The following BPTF variants were observed in gnomAD, a reference collection of about 807,000 sequenced individuals.
BPTF encodes bromodomain PHD finger transcription factor.
Under a neutral mutation model 292.5 loss-of-function variants are expected in BPTF, and 18 were observed. The observed-to-expected ratio is 0.06, with a 90% CI of 0.04 to 0.09. The LOEUF (loss-of-function observed/expected upper bound fraction) is 0.09, where lower values mean the gene tolerates loss of function less well. BPTF is among the 10% of genes least tolerant of loss of function. The probability of loss-of-function intolerance (pLI) is 1.00; values close to 1 mark genes in which losing one functional copy is unlikely to be tolerated. For synonymous variants in BPTF, 1,225 were observed against 1,251.9 expected, an observed-to-expected ratio of 0.98 and a Z score of 0.45; for missense variants, 2,726 against 3,498.7, an observed-to-expected ratio of 0.78 and a Z score of 5.57.
rs2065436372 is a variant in BPTF at position 67,942,302 on chromosome 17, C to T, written c.6477+1646C>T. Among the ~76,000 whole-genome samples the T allele has an allele frequency of 2.4e-5, 3 of 126,014 alleles. No individual in the cohort carries two copies. In the South Asian group the frequency reaches 8.8e-4, roughly 37 times the overall value. 82.7% of individuals were successfully genotyped at this position (126,014 alleles called of 152,430 possible). ...TGCACTCCAACCTAGGCAACAGACT[C>T]CGTCTCAAAAAAAAGAAAAACAAAA... On this transcript the variant is annotated intron_variant, in intron 19 of 27. Transcript: ENST00000306378.
In BPTF at chr17:67,837,328, T is replaced by G. The variant is rs564863787; in HGVS notation, c.613+10991T>G. 6.6e-5 allele frequency among the ~76,000 whole-genome samples: 10 copies of G among 152,314 alleles called. No individual in the cohort carries two copies. In the South Asian group the frequency reaches 1.0e-3, roughly 16 times the overall value. ...GGACTGGGATTGGATTGTTGCATTA[T>G]AGTGTGTACCATTTAAAAGTCTGGA... On this transcript the variant is annotated intron_variant, in intron 1 of 27. Coordinates refer to ENST00000306378, the MANE Select transcript of BPTF (RefSeq NM_182641.4).
chr17:67,837,996 C>T (rs1159035994), intron 1 of BPTF, among the ~76,000 whole-genome samples: 1 of 152,150 alleles, frequency 6.6e-6, no homozygotes, highest in Non-Finnish European at 1.5e-5. Context: ...CTTGTGTGGA[C>T]CTCAGTTTAC....
chr17:67,880,037 C>G (rs2060295762), intron 4 of BPTF, among the ~76,000 whole-genome samples: 1 of 152,088 alleles, frequency 6.6e-6, no homozygotes, highest in Admixed American at 6.6e-5. Flanking sequence ...GGTTCATTTT[C>G]TTTAATCGCC....
At chr17:67,843,391 A>C (rs951031807) in intron 1 of BPTF, among the ~76,000 whole-genome samples, 1 of 150,200 alleles carries the variant, frequency 6.7e-6, no homozygotes, top group Admixed American at 6.6e-5. Context: ...TTTTTAGTAG[A>C]GATGGGGTTT....
intron 27 of BPTF, among the ~76,000 whole-genome samples, chr17:67,979,763 G>A (rs1323907939): frequency 3.9e-5 from 6 of 152,026 alleles, no homozygotes; most frequent in South Asian, 2.1e-4. Context: ...TACCCTGGCC[G>A]GGCGCAGTGG....
intron 26 of BPTF, among the ~76,000 whole-genome samples, chr17:67,970,236 CAA>C (rs539425143): frequency 3.1e-5 from 4 of 128,584 alleles, no homozygotes; most frequent in Non-Finnish European, 3.3e-5. Flanking sequence ...AACTCCATCT[CAA>C]AAAAAAAAAA....
At chr17:67,938,445 T>C (rs1252906873) in intron 18 of BPTF, among the ~76,000 whole-genome samples, 2 of 151,996 alleles carry the variant, frequency 1.3e-5, no homozygotes, top group African/African-American at 2.4e-5. Context: ...GAAGAAAGAG[T>C]AATAATGGAA....
intron 27 of BPTF, among the ~76,000 whole-genome samples, chr17:67,978,300 A>AT (rs1300201664): frequency 2.0e-4 from 8 of 40,208 alleles, no homozygotes; most frequent in African/African-American, 2.5e-4. Flanking sequence ...ATATATATAT[A>AT]TATATATATT....
intron 26 of BPTF, among the ~76,000 whole-genome samples, chr17:67,970,461 C>G (rs945621524): frequency 4.6e-5 from 7 of 152,070 alleles, no homozygotes; most frequent in African/African-American, 9.7e-5. Context: ...CCTATATCTC[C>G]TAAGTAGGTA....
At chr17:67,946,662 C>T (rs1555675674) in intron 21 of BPTF, among the ~76,000 whole-genome samples, 4 of 152,148 alleles carry the variant, frequency 2.6e-5, no homozygotes, top group Non-Finnish European at 5.9e-5. Context: ...TATAGCAATT[C>T]CTTTAAAGTT....
intron 4 of BPTF, chr17:67,875,652 G>C: frequency 6.2e-7 from 1 of 1,608,402 alleles, no homozygotes; most frequent in South Asian, 1.1e-5. Context: ...CCCTCTGAAG[G>C]GAGGAGCCCT....
At chr17:67,883,689 C>T (rs1208698023) in intron 4 of BPTF, among the ~76,000 whole-genome samples, 16 of 152,052 alleles carry the variant, frequency 1.1e-4, no homozygotes, top group African/African-American at 3.9e-4. Context: ...AACCTCCGCC[C>T]CCCTGGGTTC....
chr17:67,847,509 G>A (rs1272161774), intron 1 of BPTF, among the ~76,000 whole-genome samples: 2 of 149,556 alleles, frequency 1.3e-5, no homozygotes, highest in Non-Finnish European at 3.0e-5. Flanking sequence ...GTGAGACTCC[G>A]TCTAAAAAAA....
At position 67,886,210 on chromosome 17, in the gene BPTF, C is replaced by T. The variant is rs768408054; in HGVS notation, c.1865-5634C>T. 9 of 1,613,922 alleles carry T rather than the reference C, an allele frequency of 5.6e-6. No homozygotes were observed. In the South Asian group the frequency reaches 7.7e-5, roughly 14 times the overall value. On this transcript the variant is annotated intron_variant, in intron 4 of 27. Coordinates refer to ENST00000306378, the MANE Select transcript of BPTF (RefSeq NM_182641.4). ...AGCCTAATCTGGAAAACAGTAACAGCAGCAGTGAACTAAATTCTTCCCAGA... is the reference window on the plus strand; with the variant it reads ...AGCCTAATCTGGAAAACAGTAACAGTAGCAGTGAACTAAATTCTTCCCAGA...
rs551565458 is a variant in BPTF, at chr17:67,868,023, G to A, written c.1660+1336G>A. Among the ~76,000 whole-genome samples the A allele has an allele frequency of 2.6e-5, 4 of 152,138 alleles. No individual in the cohort carries two copies. In the South Asian group the frequency reaches 8.3e-4, roughly 32 times the overall value. On this transcript the variant is annotated intron_variant, in intron 3 of 27. Transcript: ENST00000306378. ...TGGAATTTTTCTGCACAGGAGATGT[G>A]TTTATTTTTTCAGGCATTTATTTCT...
intron 4 of BPTF, among the ~76,000 whole-genome samples, chr17:67,880,666 T>C (rs747300574): frequency 4.6e-5 from 7 of 152,190 alleles, no homozygotes; most frequent in Non-Finnish European, 8.8e-5. Flanking sequence ...AGACAGGGTC[T>C]TGCTCTGTTA....
intron 26 of BPTF, among the ~76,000 whole-genome samples, chr17:67,967,312 T>G (rs1273911244): frequency 6.7e-6 from 1 of 150,356 alleles, no homozygotes; most frequent in Admixed American, 6.6e-5. Context: ...CAGCTAATTT[T>G]TATATTTTTT....
intron 1 of BPTF, among the ~76,000 whole-genome samples, chr17:67,831,204 T>TA (rs2056638211): frequency 6.6e-6 from 1 of 152,306 alleles, no homozygotes; most frequent in African/African-American, 2.4e-5. Context: ...GGAGGCACTT[T>TA]AGAGTTCTTC....
chr17:67,914,923 A>G (rs2062882568), intron 11 of BPTF, among the ~76,000 whole-genome samples: 1 of 152,210 alleles, frequency 6.6e-6, no homozygotes, highest in Non-Finnish European at 1.5e-5. Context: ...TTAATTTGCC[A>G]AAACATATTT....
Sources: allele counts gnomAD v4.1 joint callset (sites outside exome capture counted in the v4.1 genomes callset), GRCh38; gene constraint gnomAD v4.1.1; transcripts MANE v1.5; gene names NCBI Gene and HGNC (gene_info 2026-07-23, HGNC 2026-07-21).